The following INPP5F variants were observed in gnomAD, a reference collection of about 807,000 sequenced individuals.
INPP5F encodes the protein phosphatidylinositide 4-phosphatase SAC2.
Under a neutral mutation model 137.2 loss-of-function variants are expected in INPP5F, and 97 were observed. The ratio of observed to expected loss-of-function variants is 0.71; its 90% CI spans 0.60 to 0.84. The LOEUF (loss-of-function observed/expected upper bound fraction) is 0.84, where lower values mean the gene tolerates loss of function less well. Ranked by LOEUF, INPP5F falls within the 40% of genes least tolerant of loss-of-function variation. INPP5F has a pLI of 0.00. For missense variants in INPP5F, 1,271 were observed against 1,371.9 expected (o/e 0.93, Z 1.16); for synonymous variants, 504 against 476.9 (o/e 1.06, Z -0.74).
chr10:119,785,575 A>ACT (rs1554889681), intron 3 of INPP5F, among the ~76,000 whole-genome samples: 3 of 150,450 alleles, frequency 2.0e-5, no homozygotes, highest in Admixed American at 6.7e-5. Flanking sequence ...AGAGAGAGAG[A>ACT]GAGACTGAGA....
chr10:119,752,625 G>A (rs1773728852), intron 2 of INPP5F, among the ~76,000 whole-genome samples: 1 of 150,312 alleles, frequency 6.7e-6, no homozygotes, highest in Non-Finnish European at 1.5e-5. Flanking sequence ...TGACCAATGT[G>A]TTTGGAGCCA....
intron 13 of INPP5F, among the ~76,000 whole-genome samples, chr10:119,809,785 T>C (rs993601654): frequency 6.6e-6 from 1 of 152,220 alleles, no homozygotes; most frequent in African/African-American, 2.4e-5. Context: ...TAATTTTTAT[T>C]GTTTTGGTGT....
intron 2 of INPP5F, among the ~76,000 whole-genome samples, chr10:119,769,540 C>T (rs1440326509): frequency 1.3e-5 from 2 of 152,066 alleles, no homozygotes; most frequent in African/African-American, 2.4e-5. Context: ...AGATACTTGG[C>T]GTTTTGAGTT....
intron 1 of INPP5F, among the ~76,000 whole-genome samples, chr10:119,737,387 GACCAGTGATTCTCAAGCTGGCTGT>G (rs1848246191): frequency 6.6e-6 from 1 of 152,150 alleles, no homozygotes; most frequent in African/African-American, 2.4e-5. Context: ...TAATCATTTA[GACCAGTGATTCTCAAGCTGGCTGT>G]ACAGTAGAAT....
At chr10:119,755,646 C>T (rs1263216089) in intron 2 of INPP5F, among the ~76,000 whole-genome samples, 2 of 152,150 alleles carry the variant, frequency 1.3e-5, no homozygotes, top group Non-Finnish European at 2.9e-5. Flanking sequence ...CTGTTTCCTG[C>T]TGCTTGTGCT....
intron 10 of INPP5F, 145 bp downstream of exon 10, chr10:119,804,442 G>A (rs1850696971): frequency 1.4e-6 from 1 of 712,656 alleles, no homozygotes; most frequent in Admixed American, 3.1e-5. Flanking sequence ...CATTTACTTT[G>A]TTTTAATTTT....
chr10:119,748,349 C>T lies in INPP5F; in HGVS notation c.98-2727C>T, dbSNP rs1201252749. Reference sequence around the variant, plus strand: ...TGTCACAGCCCTGGCTCGGAGAGCCCCTAGGTCTGGTGTTCCCGAAGGGCC... The same window carrying T: ...TGTCACAGCCCTGGCTCGGAGAGCCTCTAGGTCTGGTGTTCCCGAAGGGCC... On this transcript the variant is annotated intron_variant, in intron 1 of 19. Transcript: ENST00000650623. The surrounding 1 kb of genome is among the most constrained non-coding windows in gnomAD (Gnocchi z 4.7). Among the ~76,000 whole-genome samples, 2 of 152,226 alleles carry T rather than the reference C, an allele frequency of 1.3e-5. No individual in the cohort carries two copies. Among genetic ancestry groups the T allele is most frequent in the East Asian group, 3.8e-4 (2 of 5,196 alleles).
At chr10:119,786,370 T>A (rs532603903) in intron 3 of INPP5F, among the ~76,000 whole-genome samples, 108 of 152,328 alleles carry the variant, frequency 7.1e-4, no homozygotes, top group African/African-American at 2.4e-3. Flanking sequence ...TCCCTGGGGC[T>A]CTGTGTAAAC....
intron 3 of INPP5F, 57 bp downstream of exon 3, chr10:119,781,828 T>G: frequency 7.0e-7 from 1 of 1,420,702 alleles, no homozygotes; most frequent in Non-Finnish European, 9.7e-7. Flanking sequence ...ATAGCAAATA[T>G]GAGGATTTGG....
intron 1 of INPP5F, among the ~76,000 whole-genome samples, chr10:119,733,769 A>G (rs948357665): frequency 7.2e-5 from 11 of 152,194 alleles, no homozygotes; most frequent in Admixed American, 1.3e-4. Flanking sequence ...GTGCACTGAC[A>G]GCTTGGTCTA....
chr10:119,799,376 A>G (rs1001740486), intron 9 of INPP5F: 45 of 394,784 alleles, frequency 1.1e-4, no homozygotes, highest in Non-Finnish European at 2.0e-4. Flanking sequence ...TATATGGAGG[A>G]AAAAAAAGAA....
chr10:119,781,662 G>A lies in INPP5F; in HGVS notation c.206G>A (p.Arg69Gln), dbSNP rs150684982. The A allele has an allele frequency of 4.3e-6, 7 of 1,610,540 alleles. No homozygotes were observed. The highest frequency in any genetic ancestry group is 1.1e-5 in the South Asian group (1 of 90,392). Residue 69 changes from arginine to glutamine, a missense_variant, in exon 3 of 20, where the codon CGG becomes CAG. Transcript: ENST00000650623. ...SDLPWWLILI[R>Q]QKALVGKLPG... is the part of the protein sequence containing the mutation. ...CTTCCATGGTGGCTTATTCTAATTCGGCAGAAAGCATTGGTGGGCAAACTC... is the reference window on the plus strand; with the variant it reads ...CTTCCATGGTGGCTTATTCTAATTCAGCAGAAAGCATTGGTGGGCAAACTC...
chr10:119,798,472 A>G, intron 8 of INPP5F, 71 bp from the exon 9 acceptor site: 1 of 973,204 alleles, frequency 1.0e-6, no homozygotes, highest in Non-Finnish European at 1.6e-6. Context: ...AAGTAAGAAT[A>G]AAGATGGAGT....
At chr10:119,803,772 T>C (rs553474897) in intron 9 of INPP5F, among the ~76,000 whole-genome samples, 1 of 152,308 alleles carries the variant, frequency 6.6e-6, no homozygotes, top group South Asian at 2.1e-4. Flanking sequence ...TTAATTCAGG[T>C]TTTCTATCAT....
chr10:119,801,347 C>T (rs1183949624), intron 9 of INPP5F, among the ~76,000 whole-genome samples: 1 of 152,224 alleles, frequency 6.6e-6, no homozygotes, highest in Non-Finnish European at 1.5e-5. Context: ...TTTATTCTAT[C>T]CACACACATA....
At chr10:119,785,302 T>TTTTTTTTTTTTG (rs1554889600) in intron 3 of INPP5F, among the ~76,000 whole-genome samples, 11 of 147,728 alleles carry the variant, frequency 7.4e-5, no homozygotes, top group African/African-American at 1.0e-4. Flanking sequence ...TTTTTTTTTT[T>TTTTTTTTTTTTG]GGAGACGGAG....
intron 1 of INPP5F, among the ~76,000 whole-genome samples, chr10:119,747,345 C>G (rs1490777565): frequency 6.6e-6 from 1 of 151,904 alleles, no homozygotes; most frequent in Non-Finnish European, 1.5e-5. Context: ...CCTCAGCCTC[C>G]CAAGAAGCTG....
intron 15 of INPP5F, chr10:119,819,583 G>A: frequency 6.7e-7 from 1 of 1,500,476 alleles, no homozygotes. Context: ...AGTGTTATTT[G>A]GTATTATTCT....
chr10:119,812,979 C>T (rs962485777), intron 15 of INPP5F, among the ~76,000 whole-genome samples: 4 of 151,706 alleles, frequency 2.6e-5, no homozygotes, highest in East Asian at 1.9e-4. Context: ...AGCACACCTG[C>T]ATTTTCCTTG....
Sources: allele counts gnomAD v4.1 joint callset (sites outside exome capture counted in the v4.1 genomes callset), GRCh38; gene constraint gnomAD v4.1.1; non-coding constraint Gnocchi (gnomAD v3.1); transcripts MANE v1.5; gene names NCBI Gene and HGNC (gene_info 2026-07-23, HGNC 2026-07-21).